Variants in RARB observed in about 807,000 individuals in gnomAD.
The protein encoded by RARB is retinoic acid receptor beta.
Under a neutral mutation model 51.9 loss-of-function variants are expected in RARB, and 17 were observed. The ratio of observed to expected loss-of-function variants is 0.33; its 90% CI spans 0.22 to 0.49. The LOEUF (loss-of-function observed/expected upper bound fraction) is 0.49, where lower values mean the gene tolerates loss of function less well. Among genes scored for constraint, RARB ranks in the 20% least tolerant of loss-of-function variants. RARB has a pLI of 0.99. For missense variants in RARB, 369 were observed against 550.8 expected (o/e 0.67, Z 3.30); for synonymous variants, 215 against 195.4 (o/e 1.10, Z -0.84).
chr3:25,152,545 G>GA (rs1430790232), intron 4 of RARB, among the ~76,000 whole-genome samples: 1 of 151,724 alleles, frequency 6.6e-6, no homozygotes. Flanking sequence ...CCCAGGGAAG[G>GA]AAAAAAATAT....
intron 1 of RARB, among the ~76,000 whole-genome samples, chr3:25,438,230 A>G (rs988157116): frequency 3.9e-5 from 6 of 152,184 alleles, no homozygotes; most frequent in Non-Finnish European, 8.8e-5. Flanking sequence ...TCCAGGAAGG[A>G]GGCAGCAGAG....
intron 2 of RARB, among the ~76,000 whole-genome samples, chr3:24,915,587 C>G (rs969910285): frequency 1.3e-4 from 20 of 152,162 alleles, no homozygotes; most frequent in African/African-American, 4.8e-4. Context: ...GATATATGCC[C>G]AAATGTTGTT....
At chr3:25,149,652 T>C (rs2125340876) in intron 4 of RARB, among the ~76,000 whole-genome samples, 1 of 152,308 alleles carries the variant, frequency 6.6e-6, no homozygotes, top group Non-Finnish European at 1.5e-5. Context: ...CCCACTCACC[T>C]CCCATACCCA....
chr3:24,885,024 G>A (rs1240950958), intron 2 of RARB, among the ~76,000 whole-genome samples: 1 of 152,142 alleles, frequency 6.6e-6, no homozygotes, highest in African/African-American at 2.4e-5. Context: ...AAGAATATTA[G>A]AAGGACCTTG....
At chr3:25,297,007 C>T in intron 5 of RARB, among the ~76,000 whole-genome samples, 1 of 152,078 alleles carries the variant, frequency 6.6e-6, no homozygotes, top group East Asian at 1.9e-4. Context: ...TCATTTCCTA[C>T]CTAGATAGTG....
At chr3:25,088,356 C>T (rs771953701) in intron 3 of RARB, among the ~76,000 whole-genome samples, 2 of 152,110 alleles carry the variant, frequency 1.3e-5, no homozygotes, top group African/African-American at 2.4e-5. Context: ...GAGTTTTATT[C>T]GGTCTCAAAA....
At chr3:25,442,914 C>A (rs935910574) in intron 1 of RARB, among the ~76,000 whole-genome samples, 1 of 152,118 alleles carries the variant, frequency 6.6e-6, no homozygotes, top group African/African-American at 2.4e-5. Context: ...CAGAGTATCT[C>A]CCAACATTTT....
intron 2 of RARB, among the ~76,000 whole-genome samples, chr3:25,014,006 A>G (rs542736353): frequency 1.2e-4 from 19 of 152,130 alleles, no homozygotes; most frequent in African/African-American, 4.1e-4. Context: ...CCCTCTCTCA[A>G]CTTTGAATTT....
chr3:25,130,993 ATATT>A (rs1312777069), intron 3 of RARB, among the ~76,000 whole-genome samples: 66 of 32,158 alleles, frequency 2.1e-3, no homozygotes, highest in Non-Finnish European at 3.6e-3. Context: ...AATATTATCA[ATATT>A]TATTTATTAT....
chr3:24,939,496 CTCT>C (rs1253519431), intron 2 of RARB, among the ~76,000 whole-genome samples: 4 of 152,104 alleles, frequency 2.6e-5, no homozygotes, highest in African/African-American at 7.2e-5. Flanking sequence ...TAAAGCCAGG[CTCT>C]TCTTTTATTT....
chr3:25,357,922 A>G (rs1270685936), intron 5 of RARB, among the ~76,000 whole-genome samples: 1 of 152,276 alleles, frequency 6.6e-6, no homozygotes, highest in East Asian at 1.9e-4. Flanking sequence ...CTTGTAGTAT[A>G]GTTTGAAGTC....
chr3:25,198,472 A>G (rs1701300855), intron 5 of RARB, among the ~76,000 whole-genome samples: 1 of 152,154 alleles, frequency 6.6e-6, no homozygotes, highest in Non-Finnish European at 1.5e-5. Context: ...CAATCAACAA[A>G]GTGAAGAGAC....
chr3:25,020,660 G>C (rs973989498), intron 2 of RARB, among the ~76,000 whole-genome samples: 1 of 151,938 alleles, frequency 6.6e-6, no homozygotes, highest in African/African-American at 2.4e-5. Context: ...ATTGCATATA[G>C]GCTTTTGAAG....
At chr3:25,006,474 T>A (rs950714894) in intron 2 of RARB, among the ~76,000 whole-genome samples, 1 of 152,208 alleles carries the variant, frequency 6.6e-6, no homozygotes, top group African/African-American at 2.4e-5. Flanking sequence ...TGGTATTGAT[T>A]AAAAATATTT....
chr3:25,220,824 C>A (rs1467261538), intron 5 of RARB, among the ~76,000 whole-genome samples: 2 of 152,102 alleles, frequency 1.3e-5, no homozygotes, highest in Admixed American at 6.6e-5. Flanking sequence ...ACTAAGTCAG[C>A]CACTTACTTC....
intron 3 of RARB, among the ~76,000 whole-genome samples, chr3:25,557,429 C>T (rs1700107007): frequency 6.6e-6 from 1 of 152,176 alleles, no homozygotes; most frequent in African/African-American, 2.4e-5. Context: ...CAGCCTATCA[C>T]TTCTCTGGAG....
intron 3 of RARB, among the ~76,000 whole-genome samples, chr3:25,101,958 C>G (rs768908037): frequency 1.3e-5 from 2 of 152,106 alleles, no homozygotes; most frequent in African/African-American, 4.8e-5. Context: ...GGTGAACACT[C>G]GGAGGACATG....
At chr3:24,919,362 A>G (rs1422805577) in intron 2 of RARB, among the ~76,000 whole-genome samples, 1 of 152,050 alleles carries the variant, frequency 6.6e-6, no homozygotes, top group African/African-American at 2.4e-5. Flanking sequence ...TACAAAGTGA[A>G]CTATAACCGA....
At chr3:25,316,576 G>A (rs1456299382) in intron 5 of RARB, among the ~76,000 whole-genome samples, 1 of 152,234 alleles carries the variant, frequency 6.6e-6, no homozygotes, top group East Asian at 1.9e-4. Flanking sequence ...AGAGGATTCA[G>A]AAGAGTGGGG....
Sources: gnomAD v4.1 joint callset for allele counts (sites outside exome capture counted in the v4.1 genomes callset) on GRCh38, gnomAD v4.1.1 for gene constraint, MANE v1.5 for transcripts, NCBI Gene and HGNC (gene_info 2026-07-23, HGNC 2026-07-21) for gene names.